DLGAP1: variants seen among roughly 807,000 people sequenced by gnomAD.
DLGAP1 encodes the protein DLG associated protein 1, also known as disks large-associated protein 1.
In DLGAP1, 11 loss-of-function variants were observed where a neutral mutation model predicts 90.8. The observed-to-expected ratio is 0.12, with a 90% CI of 0.08 to 0.20. DLGAP1 has a LOEUF of 0.20. Ranked by LOEUF, DLGAP1 falls within the 10% of genes least tolerant of loss-of-function variation. DLGAP1 has a pLI of 1.00. For synonymous variants in DLGAP1, 558 were observed against 540.7 expected, an observed-to-expected ratio of 1.03 and a Z score of -0.44; for missense variants, 1,050 against 1,333.8, an observed-to-expected ratio of 0.79 and a Z score of 3.31.
At chr18:4,218,095 G>A (rs1432310347) in intron 1 of DLGAP1, among the ~76,000 whole-genome samples, 1 of 151,238 alleles carries the variant, frequency 6.6e-6, no homozygotes, top group Admixed American at 6.6e-5. Context: ...TCTGTGAAAG[G>A]TGTAAGATCT....
chr18:4,309,797 G>A (rs1046883865), intron 1 of DLGAP1, among the ~76,000 whole-genome samples: 1 of 152,104 alleles, frequency 6.6e-6, no homozygotes, highest in Non-Finnish European at 1.5e-5. Flanking sequence ...GTTTTCTTAT[G>A]TATCAAATGG....
intron 2 of DLGAP1, among the ~76,000 whole-genome samples, chr18:4,130,717 C>T (rs745808210): frequency 3.9e-5 from 6 of 151,998 alleles, no homozygotes; most frequent in Admixed American, 6.6e-5. Flanking sequence ...CGGCACATTG[C>T]GACTAATGTC....
At chr18:4,058,093 T>C (rs1365038971) in intron 2 of DLGAP1, among the ~76,000 whole-genome samples, 1 of 152,180 alleles carries the variant, frequency 6.6e-6, no homozygotes, top group Non-Finnish European at 1.5e-5. Flanking sequence ...CCTGAGACCA[T>C]GCAATGCCTG....
chr18:4,308,753 A>C (rs2080326771), intron 1 of DLGAP1, among the ~76,000 whole-genome samples: 1 of 152,228 alleles, frequency 6.6e-6, no homozygotes, highest in Non-Finnish European at 1.5e-5. Flanking sequence ...TTCTATGTGA[A>C]GAGCTGGCGG....
intron 1 of DLGAP1, among the ~76,000 whole-genome samples, chr18:4,314,750 T>C (rs1006025776): frequency 1.3e-5 from 2 of 152,090 alleles, no homozygotes; most frequent in African/African-American, 4.8e-5. Flanking sequence ...GATTATGACA[T>C]AAAATGTACT....
chr18:3,662,532 G>A (rs972072189), intron 7 of DLGAP1, among the ~76,000 whole-genome samples: 1 of 152,180 alleles, frequency 6.6e-6, no homozygotes, highest in African/African-American at 2.4e-5. Flanking sequence ...AATCAGCTTG[G>A]ACAAAGCAGG....
chr18:3,624,171 G>A (rs897999727), intron 7 of DLGAP1, among the ~76,000 whole-genome samples: 3 of 152,194 alleles, frequency 2.0e-5, no homozygotes, highest in Admixed American at 2.0e-4. Context: ...GCATGAGCCT[G>A]TCCAACGGTT....
chr18:3,548,932 G>T (rs1470572990), intron 9 of DLGAP1, among the ~76,000 whole-genome samples: 1 of 152,180 alleles, frequency 6.6e-6, no homozygotes, highest in African/African-American at 2.4e-5. Flanking sequence ...AGCTACTTGG[G>T]AGGCTGAGGC....
chr18:4,227,039 C>CA, intron 1 of DLGAP1, among the ~76,000 whole-genome samples: 1 of 151,468 alleles, frequency 6.6e-6, no homozygotes, highest in South Asian at 2.1e-4. Context: ...AAATGGAAAC[C>CA]AAAAAAGAGC....
intron 2 of DLGAP1, among the ~76,000 whole-genome samples, chr18:4,068,972 T>C (rs1216137482): frequency 6.6e-6 from 1 of 152,138 alleles, no homozygotes; most frequent in Admixed American, 6.6e-5. Flanking sequence ...TGGAGTCAGA[T>C]AGGCTTACTT....
Position 3,534,282 on chromosome 18 carries a change from C to T in DLGAP1, c.2391G>A (p.Leu797=). 1 of 1,614,246 alleles carries T rather than the reference C, an allele frequency of 6.2e-7. No individual in the cohort carries two copies. Among genetic ancestry groups the T allele is most frequent in the East Asian group, 2.2e-5 (1 of 44,888 alleles). The part of the protein sequence containing the change: ...SVCHRDGHWF[L]KLLQAERDRM... ...GGTCTCGCTCTGCCTGGAGAAGCTT[C>T]AGGAACCAGTGGCCATCCCGGTGGC... The change falls in exon 10 of 13, where the codon CTG becomes CTA. Residue 797 remains leucine (L), a synonymous_variant. Transcript: ENST00000315677.
chr18:4,001,664 C>T (rs1303382281), intron 3 of DLGAP1, among the ~76,000 whole-genome samples: 1 of 152,170 alleles, frequency 6.6e-6, no homozygotes, highest in East Asian at 1.9e-4. Context: ...CTTTCTTTTG[C>T]CTCCTTTGCT....
intron 1 of DLGAP1, among the ~76,000 whole-genome samples, chr18:4,337,623 A>T (rs2081099097): frequency 6.6e-6 from 1 of 152,186 alleles, no homozygotes; most frequent in African/African-American, 2.4e-5. Context: ...AATCTCCTCA[A>T]GAGTTGTGTG....
chr18:3,626,668 G>A (rs2058307676), intron 7 of DLGAP1, among the ~76,000 whole-genome samples: 1 of 151,924 alleles, frequency 6.6e-6, no homozygotes, highest in African/African-American at 2.4e-5. Context: ...TACTTTGGGA[G>A]GTGGAGGTGG....
chr18:3,953,358 C>T (rs1177728237), intron 3 of DLGAP1, among the ~76,000 whole-genome samples: 1 of 152,106 alleles, frequency 6.6e-6, no homozygotes, highest in Non-Finnish European at 1.5e-5. Flanking sequence ...TTATAGTCTC[C>T]AGTGTTTATT....
intron 3 of DLGAP1, among the ~76,000 whole-genome samples, chr18:3,956,279 C>T (rs546646630): frequency 6.6e-6 from 1 of 152,314 alleles, no homozygotes; most frequent in East Asian, 1.9e-4. Context: ...GAAATCTATA[C>T]CGAAGAAAAT....
intron 5 of DLGAP1, among the ~76,000 whole-genome samples, chr18:3,747,306 C>T (rs8095216): frequency 0.22 from 33,137 of 152,080 alleles, 4,797 homozygotes; most frequent in African/African-American, 0.41. Flanking sequence ...CCATGTGTTA[C>T]GTGCTATTAT....
chr18:3,744,788 T>C (rs1247926613), intron 5 of DLGAP1, among the ~76,000 whole-genome samples: 2 of 152,310 alleles, frequency 1.3e-5, no homozygotes, highest in South Asian at 2.1e-4. Context: ...TCAAGTGATC[T>C]GCCCACCTTG....
chr18:4,079,318 CA>C (rs2075570228), intron 2 of DLGAP1, among the ~76,000 whole-genome samples: 1 of 151,606 alleles, frequency 6.6e-6, no homozygotes, highest in African/African-American at 2.4e-5. Context: ...CACACACACA[CA>C]CACACACACA....
Sources: allele counts gnomAD v4.1 joint callset (sites outside exome capture counted in the v4.1 genomes callset), GRCh38; gene constraint gnomAD v4.1.1; transcripts MANE v1.5; gene names NCBI Gene and HGNC (gene_info 2026-07-23, HGNC 2026-07-21).